The following CACNA1A variants were observed in gnomAD, a reference collection of about 807,000 sequenced individuals.
CACNA1A encodes voltage-dependent P/Q-type calcium channel subunit alpha-1A.
CACNA1A carries 57 observed loss-of-function variants against 262.4 expected under a neutral mutation model. The observed-to-expected ratio is 0.22, with a 90% CI of 0.18 to 0.27. The LOEUF (loss-of-function observed/expected upper bound fraction) is 0.27. Among genes scored for constraint, CACNA1A ranks in the 10% least tolerant of loss-of-function variants. The pLI is 1.00. For missense variants in CACNA1A, 2,526 were observed against 3,562.8 expected (o/e 0.71, Z 7.41); for synonymous variants, 1,431 against 1,419.3 (o/e 1.01, Z -0.18).
At chr19:13,317,600 C>A (rs534724122) in intron 10 of CACNA1A, among the ~76,000 whole-genome samples, 2 of 152,302 alleles carry the variant, frequency 1.3e-5, no homozygotes, top group South Asian at 4.1e-4. Flanking sequence ...TCTCCCACTC[C>A]CAGCCACATC....
intron 28 of CACNA1A, 28 bp from the exon 29 acceptor site, chr19:13,255,287 C>A: frequency 4.5e-6 from 7 of 1,554,868 alleles, no homozygotes; most frequent in Middle Eastern, 2.0e-4. Context: ...GTGGTGAGAG[C>A]GGCAGAGGCA....
At chr19:13,448,119 A>G (rs2144913199) in intron 3 of CACNA1A, among the ~76,000 whole-genome samples, 1 of 152,236 alleles carries the variant, frequency 6.6e-6, no homozygotes, top group East Asian at 1.9e-4. Context: ...AAGCCCATCA[A>G]TGATAGACTG....
At chr19:13,502,877 G>A (rs914256170) in intron 1 of CACNA1A, among the ~76,000 whole-genome samples, 1 of 152,104 alleles carries the variant, frequency 6.6e-6, no homozygotes, top group Non-Finnish European at 1.5e-5. Context: ...GCACTCTTAG[G>A]CCCTGTGAGC....
intron 4 of CACNA1A, among the ~76,000 whole-genome samples, chr19:13,368,325 T>C (rs574448691): frequency 4.0e-5 from 6 of 149,902 alleles, no homozygotes; most frequent in Admixed American, 2.7e-4. Flanking sequence ...AGTATTTCTC[T>C]GCCTATCATT....
At chr19:13,464,704 G>A (rs183162638) in intron 1 of CACNA1A, among the ~76,000 whole-genome samples, 3,261 of 146,300 alleles carry the variant, frequency 0.022, 67 homozygotes, top group South Asian at 0.059. Flanking sequence ...GCCTGCCACC[G>A]CGCCCGGCTA....
chr19:13,313,007 T>C (rs555894730), intron 11 of CACNA1A, among the ~76,000 whole-genome samples: 2 of 152,140 alleles, frequency 1.3e-5, no homozygotes, highest in Non-Finnish European at 2.9e-5. Context: ...ACACCCAACT[T>C]CTGACTTATC....
chr19:13,269,474 A>C lies in CACNA1A; in HGVS notation c.3989+6376T>G, dbSNP rs530826565. 4.4e-4 allele frequency among the ~76,000 whole-genome samples: 67 copies of C among 152,294 alleles called. 1 individual carries two copies. Among genetic ancestry groups the C allele is most frequent in the Middle Eastern group, 6.8e-3 (2 of 294 alleles). On this transcript the variant is annotated intron_variant, in intron 24 of 46. Coordinates refer to ENST00000360228, the MANE Select transcript of CACNA1A (RefSeq NM_001127222.2). ...AGGGGTGGGGGCTGTTTTGAAGATGAGGATCAAGAGATAGCAGCCTGAGGG... is the reference window on the plus strand; with the variant it reads ...AGGGGTGGGGGCTGTTTTGAAGATGCGGATCAAGAGATAGCAGCCTGAGGG...
chr19:13,264,075 C>G (rs1600201485), intron 24 of CACNA1A, among the ~76,000 whole-genome samples: 1 of 152,140 alleles, frequency 6.6e-6, no homozygotes, highest in Non-Finnish European at 1.5e-5. Flanking sequence ...GAGAGGACTG[C>G]ACAGAAGTTC....
intron 3 of CACNA1A, among the ~76,000 whole-genome samples, chr19:13,429,201 C>T (rs1723708103): frequency 6.6e-6 from 1 of 150,406 alleles, no homozygotes; most frequent in Non-Finnish European, 1.5e-5. Flanking sequence ...CACACACACA[C>T]ACACACCCCT....
At chr19:13,223,641 G>C (rs35914150) in intron 38 of CACNA1A, among the ~76,000 whole-genome samples, 10,536 of 152,214 alleles carry the variant, frequency 0.069, 509 homozygotes, top group Middle Eastern at 0.13. Context: ...CTGAACCTGC[G>C]TGGCGTGCCC....
intron 12 of CACNA1A, among the ~76,000 whole-genome samples, chr19:13,311,398 C>T (rs2145022593): frequency 6.6e-6 from 1 of 152,256 alleles, no homozygotes; most frequent in Middle Eastern, 3.4e-3. Flanking sequence ...GCTTTCTTTT[C>T]TTTTTAATGG....
intron 29 of CACNA1A, among the ~76,000 whole-genome samples, chr19:13,254,839 G>C (rs868568030): frequency 2.0e-5 from 3 of 152,080 alleles, no homozygotes; most frequent in South Asian, 2.1e-4. Context: ...TGCTAAGATG[G>C]GCACCTCAAG....
chr19:13,224,603 G>T, intron 38 of CACNA1A, 64 bp downstream of exon 38: 1 of 1,079,208 alleles, frequency 9.3e-7, no homozygotes, highest in South Asian at 1.3e-5. Context: ...GTTTGGGGTA[G>T]GGAGGGAGAT....
At chr19:13,301,703 G>C (rs1384493061) in intron 17 of CACNA1A, among the ~76,000 whole-genome samples, 1 of 152,236 alleles carries the variant, frequency 6.6e-6, no homozygotes, top group Non-Finnish European at 1.5e-5. Context: ...CAACGAGAAA[G>C]AAATGGCCAG....
intron 3 of CACNA1A, among the ~76,000 whole-genome samples, chr19:13,413,895 A>AAAGAAAGAAGG (rs2060168175): frequency 8.4e-6 from 1 of 119,138 alleles, no homozygotes; most frequent in African/African-American, 4.1e-5. Flanking sequence ...GAAAGAAAGA[A>AAAGAAAGAAGG]AAAGAAAGAA....
At chr19:13,365,109 T>G in intron 5 of CACNA1A, 1 of 416,486 alleles carries the variant, frequency 2.4e-6, no homozygotes, top group East Asian at 3.5e-5. Flanking sequence ...AAACTCTTTC[T>G]CTGCTGGGTC....
chr19:13,502,846 C>A (rs981182283), intron 1 of CACNA1A, among the ~76,000 whole-genome samples: 4 of 152,116 alleles, frequency 2.6e-5, no homozygotes, highest in African/African-American at 7.2e-5. Context: ...TGTACCATGC[C>A]AGAATTTACA....
chr19:13,295,627 A>G (rs1342474752), intron 19 of CACNA1A, among the ~76,000 whole-genome samples: 1 of 151,744 alleles, frequency 6.6e-6, no homozygotes, highest in East Asian at 1.9e-4. Flanking sequence ...AAGTAGCTAG[A>G]ACTACAGGCA....
At position 13,212,846 on chromosome 19, in the gene CACNA1A, A is replaced by ACG. The variant is rs372089523; in HGVS notation, c.5941-107_5941-106insCG. On this transcript the variant is annotated intron_variant, in intron 40 of 46. Coordinates refer to ENST00000360228, the MANE Select transcript of CACNA1A (RefSeq NM_001127222.2). The surrounding 1 kb of genome is among the most constrained non-coding windows in gnomAD (Gnocchi z 5.6). ...CCAGTATACACACACACACACACAC[A>ACG]CACTCTCTCAGGTCTCATCCATCTA... 5.2e-6 allele frequency: 3 copies of ACG among 574,932 alleles called. No homozygotes were observed. Among genetic ancestry groups the ACG allele is most frequent in the African/African-American group, 3.8e-5 (2 of 53,236 alleles). 35.6% of individuals were successfully genotyped at this position (574,932 alleles called of 1,614,324 possible).
Sources: gnomAD v4.1 joint callset for allele counts (sites outside exome capture counted in the v4.1 genomes callset) on GRCh38, gnomAD v4.1.1 for gene constraint, Gnocchi (gnomAD v3.1) non-coding constraint, MANE v1.5 for transcripts, NCBI Gene and HGNC (gene_info 2026-07-23, HGNC 2026-07-21) for gene names.